Variants in SVOP observed in about 807,000 individuals in gnomAD.
The protein encoded by SVOP is SV2 related protein.
In SVOP, 17 loss-of-function variants were observed where a neutral mutation model predicts 69.1. The ratio of observed to expected loss-of-function variants is 0.25; its 90% CI spans 0.17 to 0.37. The LOEUF (loss-of-function observed/expected upper bound fraction) is 0.37, where lower values mean the gene tolerates loss of function less well. Among genes scored for constraint, SVOP ranks in the 10% least tolerant of loss-of-function variants. SVOP has a pLI of 1.00. For synonymous variants in SVOP, 238 were observed against 238.6 expected (o/e 1.00, Z 0.02); for missense variants, 435 against 597.5 (o/e 0.73, Z 2.84).
intron 5 of SVOP, 74 bp from the exon 6 acceptor site, chr12:108,961,121 C>A (rs2040015664): frequency 6.8e-7 from 1 of 1,466,612 alleles, no homozygotes. Context: ...TCACTGAGAG[C>A]CGCCGATAAT....
At chr12:109,009,676 A>G (rs982490841) in intron 1 of SVOP, among the ~76,000 whole-genome samples, 1 of 152,122 alleles carries the variant, frequency 6.6e-6, no homozygotes, top group African/African-American at 2.4e-5. Flanking sequence ...CAGCCTCCCA[A>G]ACTGCTGGGC....
rs566018431 is a variant in SVOP at position 108,917,792 on chromosome 12, G to A, written c.1350+251C>T. On this transcript the variant is annotated intron_variant, in intron 14 of 15. Transcript: ENST00000610966. ...TGAGTAGCTGGAACTACAGGTGTGCGCCACCACAGCCTGGCTCATTTTTAT... is the reference window on the plus strand; with the variant it reads ...TGAGTAGCTGGAACTACAGGTGTGCACCACCACAGCCTGGCTCATTTTTAT... Among the ~76,000 whole-genome samples, 13 of 152,140 alleles carry A rather than the reference G, an allele frequency of 8.5e-5. No homozygotes were observed. In the South Asian group the frequency reaches 1.0e-3, roughly 12 times the overall value.
In SVOP at chr12:108,971,258, G is replaced by A. The variant is rs188601553; in HGVS notation, c.453+1147C>T. Among the ~76,000 whole-genome samples the A allele has an allele frequency of 4.0e-5, 6 of 151,858 alleles. No homozygotes were observed. The South Asian group carries it at 6.3e-4, about 16-fold the overall frequency. On this transcript the variant is annotated intron_variant, in intron 5 of 15. Coordinates refer to ENST00000610966, the MANE Select transcript of SVOP (RefSeq NM_018711.5). ...AGCCTGGCCAACATGGTGAAACCCT[G>A]TCTGTACTAAAAATACAAAAATTAG...
At chr12:109,009,741 A>G (rs2040330606) in intron 1 of SVOP, among the ~76,000 whole-genome samples, 1 of 152,038 alleles carries the variant, frequency 6.6e-6, no homozygotes, top group East Asian at 1.9e-4. Context: ...CAACCGGGGC[A>G]ATTTAGTCTC....
At chr12:108,950,907 G>A (rs1017213162) in intron 6 of SVOP, among the ~76,000 whole-genome samples, 1 of 152,222 alleles carries the variant, frequency 6.6e-6, no homozygotes, top group Non-Finnish European at 1.5e-5. Context: ...CCAAAGTATG[G>A]CAATTATTAT....
Position 108,922,648 on chromosome 12 carries a change from C to CA in SVOP, c.1156+41dup, listed in dbSNP as rs767773478. Reference sequence around the variant, plus strand: ...ACCAGCTGAACAATTGCCATATTCCCAGGCTTGCCTGACACAGCTTCACCT... The same window carrying CA: ...ACCAGCTGAACAATTGCCATATTCCCAAGGCTTGCCTGACACAGCTTCACCT... On this transcript the variant is annotated intron_variant, in intron 12 of 15. Coordinates refer to ENST00000610966, the MANE Select transcript of SVOP (RefSeq NM_018711.5). The CA allele has an allele frequency of 1.3e-4, 189 of 1,468,676 alleles. No homozygotes were observed. In the African/African-American group the frequency reaches 2.5e-3, roughly 19 times the overall value. The allele number at this position is 1,468,676 out of a possible 1,614,324, so 91.0% of individuals were successfully genotyped here. A position where few individuals can be genotyped will look rare whatever the true frequency, so the allele number is the denominator to read the frequency against.
chr12:108,981,525 G>A (rs996229898), intron 2 of SVOP, among the ~76,000 whole-genome samples: 2 of 145,628 alleles, frequency 1.4e-5, no homozygotes, highest in South Asian at 2.4e-4. Context: ...CCACAGCACC[G>A]CCTCAGAGTC....
At chr12:109,018,336 A>G (rs2040379581) in intron 1 of SVOP, among the ~76,000 whole-genome samples, 1 of 152,014 alleles carries the variant, frequency 6.6e-6, no homozygotes, top group South Asian at 2.1e-4. Context: ...CAAATGAACC[A>G]CCCCAGAGCT....
chr12:108,950,203 C>T (rs1355403801), intron 6 of SVOP, among the ~76,000 whole-genome samples: 4 of 151,536 alleles, frequency 2.6e-5, no homozygotes, highest in Non-Finnish European at 5.9e-5. Context: ...GCTGGGATGA[C>T]AGGCATGCAC....
intron 11 of SVOP, 122 bp downstream of exon 11, chr12:108,934,073 C>A (rs958810548): frequency 1.3e-6 from 1 of 790,204 alleles, no homozygotes; most frequent in East Asian, 2.8e-5. Flanking sequence ...GTCTTGGAAA[C>A]CACAGAAGTA....
chr12:108,951,715 T>C (rs1309503338), intron 6 of SVOP, among the ~76,000 whole-genome samples: 6 of 152,224 alleles, frequency 3.9e-5, no homozygotes, highest in Non-Finnish European at 7.3e-5. Flanking sequence ...TCTGACTATA[T>C]ATGCCTGAAA....
intron 11 of SVOP, among the ~76,000 whole-genome samples, chr12:108,927,820 T>G (rs1566049130): frequency 2.0e-5 from 3 of 151,960 alleles, no homozygotes; most frequent in African/African-American, 4.8e-5. Context: ...GGTCTTGAAC[T>G]CCTGAGCTCA....
intron 1 of SVOP, among the ~76,000 whole-genome samples, chr12:109,013,443 T>C (rs1593210776): frequency 6.6e-6 from 1 of 150,976 alleles, no homozygotes; most frequent in Non-Finnish European, 1.5e-5. Context: ...CAGGCTGGAG[T>C]GCAGTAGCAC....
chr12:109,017,894 T>C (rs919582248), intron 1 of SVOP, among the ~76,000 whole-genome samples: 70 of 152,142 alleles, frequency 4.6e-4, no homozygotes, highest in African/African-American at 1.4e-3. Flanking sequence ...TTTATTATAC[T>C]ATATAAATTA....
intron 15 of SVOP, among the ~76,000 whole-genome samples, chr12:108,913,488 C>T (rs1243957686): frequency 6.6e-6 from 1 of 152,156 alleles, no homozygotes; most frequent in African/African-American, 2.4e-5. Flanking sequence ...GTGGTTCCTA[C>T]CCAAGTTCAT....
chr12:108,929,705 A>G (rs567371038), intron 11 of SVOP, among the ~76,000 whole-genome samples: 2 of 152,290 alleles, frequency 1.3e-5, no homozygotes, highest in Admixed American at 1.3e-4. Context: ...CTCCCTGGCT[A>G]TAAATCCCCA....
intron 7 of SVOP, among the ~76,000 whole-genome samples, chr12:108,941,223 TTCTC>T (rs1437808921): frequency 1.3e-5 from 2 of 152,092 alleles, no homozygotes; most frequent in Non-Finnish European, 2.9e-5. Context: ...AACACACTGG[TTCTC>T]TCTCTGTCTC....
chr12:108,908,118 G>C lies in SVOP; in HGVS notation c.*4417C>G, dbSNP rs144142868. ...GAGTCAGGTATGTTTGCAGAGCTGG[G>C]TTATGAGGCTATGGAAGCTCTGTGC... On this transcript the variant is annotated 3_prime_UTR_variant, in exon 16 of 16. Transcript: ENST00000610966. The C allele has an allele frequency of 6.6e-6, 1 of 152,240 alleles. No individual in the cohort carries two copies. The highest frequency in any genetic ancestry group is 1.9e-4 in the East Asian group (1 of 5,198). The allele number at this position is 152,240 out of a possible 1,614,324, so 9.4% of individuals were successfully genotyped here. A position where few individuals can be genotyped will look rare whatever the true frequency, so the allele number is the denominator to read the frequency against.
At chr12:108,945,014 C>T in intron 7 of SVOP, 89 bp downstream of exon 7, 5 of 1,240,404 alleles carry the variant, frequency 4.0e-6, no homozygotes, top group Admixed American at 4.4e-5. Context: ...TTCTTAAACT[C>T]CCTTTTCCTT....
Sources: allele counts gnomAD v4.1 joint callset (sites outside exome capture counted in the v4.1 genomes callset), GRCh38; gene constraint gnomAD v4.1.1; transcripts MANE v1.5; gene names NCBI Gene and HGNC (gene_info 2026-07-23, HGNC 2026-07-21).